Variants in GPC5 observed in about 807,000 individuals in gnomAD.
The protein encoded by GPC5 is glypican 5.
Under a neutral mutation model 53.9 loss-of-function variants are expected in GPC5, and 47 were observed. That is an observed-to-expected ratio of 0.87 (90% CI 0.69 to 1.11). The LOEUF is 1.11. Ranked by LOEUF, GPC5 falls within the 50% of genes most tolerant of loss-of-function variation. GPC5 has a pLI of 0.00. For missense variants in GPC5, 748 were observed against 713.1 expected (o/e 1.05, Z -0.56); for synonymous variants, 286 against 263.3 (o/e 1.09, Z -0.84).
At chr13:92,782,335 TG>T (rs1482897656) in intron 7 of GPC5, among the ~76,000 whole-genome samples, 6 of 152,258 alleles carry the variant, frequency 3.9e-5, no homozygotes, top group African/African-American at 1.4e-4. Context: ...CATGCCCTTA[TG>T]GGGCTTCTTT....
intron 7 of GPC5, among the ~76,000 whole-genome samples, chr13:92,589,950 TA>T (rs1883662891): frequency 6.6e-6 from 1 of 152,118 alleles, no homozygotes; most frequent in Admixed American, 6.6e-5. Context: ...TGGCCAAGGT[TA>T]AAAGGTTGAT....
intron 6 of GPC5, among the ~76,000 whole-genome samples, chr13:92,102,082 T>C (rs1594763573): frequency 5.3e-5 from 8 of 152,238 alleles, no homozygotes; most frequent in African/African-American, 1.9e-4. Flanking sequence ...TATTTAATGA[T>C]TGATATCATA....
chr13:92,294,826 CTTTTTT>C, intron 7 of GPC5, among the ~76,000 whole-genome samples: 1 of 99,014 alleles, frequency 1.0e-5, no homozygotes, highest in Non-Finnish European at 1.9e-5. Flanking sequence ...TTTTTTTTTT[CTTTTTT>C]TTTTTTTTTT....
At chr13:91,897,009 CTCCTCTTCCTCTTCTTCT>C (rs2039448843) in intron 5 of GPC5, among the ~76,000 whole-genome samples, 2 of 101,270 alleles carry the variant, frequency 2.0e-5, no homozygotes, top group African/African-American at 8.7e-5. Context: ...TTCCCAACTC[CTCCTCTTCCTCTTCTTCT>C]TCCTCCTCCT....
At chr13:92,434,458 A>G (rs1877222219) in intron 7 of GPC5, among the ~76,000 whole-genome samples, 1 of 152,206 alleles carries the variant, frequency 6.6e-6, no homozygotes, top group South Asian at 2.1e-4. Flanking sequence ...AAGAGAAAAA[A>G]CATACCTACC....
intron 6 of GPC5, among the ~76,000 whole-genome samples, chr13:92,089,181 TC>T (rs1409423328): frequency 6.6e-6 from 1 of 152,200 alleles, no homozygotes; most frequent in Non-Finnish European, 1.5e-5. Flanking sequence ...AAGCCTGTAA[TC>T]CCAGCACTTT....
chr13:91,513,701 G>T (rs964720696), intron 2 of GPC5, among the ~76,000 whole-genome samples: 1 of 151,972 alleles, frequency 6.6e-6, no homozygotes, highest in Admixed American at 6.6e-5. Context: ...AGATCACATT[G>T]CTGCACTCCA....
chr13:91,810,605 T>A (rs2038295223), intron 5 of GPC5, among the ~76,000 whole-genome samples: 1 of 151,792 alleles, frequency 6.6e-6, no homozygotes, highest in Non-Finnish European at 1.5e-5. Context: ...AAAAATAGAG[T>A]AAAAATCTGT....
intron 6 of GPC5, among the ~76,000 whole-genome samples, chr13:91,909,306 A>G (rs9301761): frequency 0.06 from 9,198 of 152,224 alleles, 367 homozygotes; most frequent in African/African-American, 0.11. Flanking sequence ...GTACATCTAG[A>G]TTATTTGAAA....
chr13:91,925,734 C>T (rs189787621), intron 6 of GPC5, among the ~76,000 whole-genome samples: 4 of 152,070 alleles, frequency 2.6e-5, no homozygotes, highest in Admixed American at 6.5e-5. Context: ...CAAAAACAAA[C>T]GAAAAAGCAT....
At chr13:91,470,048 A>G (rs1375912828) in intron 2 of GPC5, among the ~76,000 whole-genome samples, 1 of 152,132 alleles carries the variant, frequency 6.6e-6, no homozygotes, top group Non-Finnish European at 1.5e-5. Flanking sequence ...CAAAACAACA[A>G]TAACAACAAC....
intron 6 of GPC5, among the ~76,000 whole-genome samples, chr13:92,057,898 A>AG (rs2041089308): frequency 6.6e-6 from 1 of 152,150 alleles, no homozygotes; most frequent in Admixed American, 6.5e-5. Flanking sequence ...AGAGGAAAAG[A>AG]GAAAAAAAAA....
At chr13:91,462,905 A>C (rs1039772132) in intron 2 of GPC5, among the ~76,000 whole-genome samples, 3 of 152,124 alleles carry the variant, frequency 2.0e-5, no homozygotes, top group African/African-American at 7.2e-5. Flanking sequence ...TCTACTCAAT[A>C]TATTTAGTAT....
chr13:91,672,559 G>C (rs2035275899), intron 2 of GPC5, among the ~76,000 whole-genome samples: 1 of 152,176 alleles, frequency 6.6e-6, no homozygotes, highest in Non-Finnish European at 1.5e-5. Flanking sequence ...TAGTCAGAAT[G>C]ATGATTATTA....
intron 5 of GPC5, among the ~76,000 whole-genome samples, chr13:91,901,487 G>A (rs970992058): frequency 2.0e-5 from 3 of 152,028 alleles, no homozygotes; most frequent in African/African-American, 7.2e-5. Flanking sequence ...AGATTTCAAA[G>A]ATTAGGACTT....
At chr13:92,399,590 G>A (rs1875462678) in intron 7 of GPC5, among the ~76,000 whole-genome samples, 1 of 152,218 alleles carries the variant, frequency 6.6e-6, no homozygotes, top group South Asian at 2.1e-4. Flanking sequence ...TTCCCGTAAT[G>A]ATAAAGAGTG....
At chr13:91,838,826 A>G (rs1361324567) in intron 5 of GPC5, among the ~76,000 whole-genome samples, 1 of 152,154 alleles carries the variant, frequency 6.6e-6, no homozygotes, top group African/African-American at 2.4e-5. Flanking sequence ...TACTTCTATT[A>G]CAGAGTAGAG....
At chr13:92,798,298 A>ACACT (rs1876777957) in intron 7 of GPC5, among the ~76,000 whole-genome samples, 1 of 151,928 alleles carries the variant, frequency 6.6e-6, no homozygotes, top group Non-Finnish European at 1.5e-5. Context: ...AAGATGATAT[A>ACACT]CACTCAGCAA....
At chr13:91,742,596 C>G (rs1191463355) in intron 4 of GPC5, among the ~76,000 whole-genome samples, 1 of 152,274 alleles carries the variant, frequency 6.6e-6, no homozygotes, top group East Asian at 1.9e-4. Context: ...GATGTGGCTA[C>G]GTGCCCATAT....
Sources: gnomAD v4.1 joint callset for allele counts (sites outside exome capture counted in the v4.1 genomes callset) on GRCh38, gnomAD v4.1.1 for gene constraint, MANE v1.5 for transcripts, NCBI Gene and HGNC (gene_info 2026-07-23, HGNC 2026-07-21) for gene names.